BRD8: variants seen among roughly 807,000 people sequenced by gnomAD.
BRD8 encodes the protein bromodomain-containing protein 8.
A neutral mutation model predicts 143.1 loss-of-function variants in BRD8; 67 were observed. That is an observed-to-expected ratio of 0.47 (90% CI 0.38 to 0.57). The LOEUF (loss-of-function observed/expected upper bound fraction) is 0.57, where lower values mean the gene tolerates loss of function less well. BRD8 is among the 20% of genes least tolerant of loss of function. The pLI is 0.00. For synonymous variants in BRD8, 505 were observed against 517.1 expected (o/e 0.98, Z 0.32); for missense variants, 1,103 against 1,503.0 (o/e 0.73, Z 4.40).
At chr5:138,170,130 G>A (rs1357791390) in intron 7 of BRD8, among the ~76,000 whole-genome samples, 1 of 152,176 alleles carries the variant, frequency 6.6e-6, no homozygotes, top group African/African-American at 2.4e-5. Flanking sequence ...AAGCCTTTGT[G>A]TCCTGAAGTT....
rs775655044 is a variant in BRD8, at chr5:138,167,914, A to C, written c.787+20T>G. ...AAGTTCAACACCTTTGAGGTTGATAAAGGAAAAGTGGTAACTTACCTGATG... is the reference window on the plus strand; with the variant it reads ...AAGTTCAACACCTTTGAGGTTGATACAGGAAAAGTGGTAACTTACCTGATG... On this transcript the variant is annotated intron_variant, in intron 9 of 26. Transcript: ENST00000254900. The C allele has an allele frequency of 6.2e-7, 1 of 1,610,956 alleles. No homozygotes were observed. Among genetic ancestry groups the C allele is most frequent in the Non-Finnish European group, 8.5e-7 (1 of 1,177,208 alleles).
Position 138,140,279 on chromosome 5 carries a change from T to C in BRD8, c.3616-113A>G, listed in dbSNP as rs765665916. The C allele has an allele frequency of 4.0e-6, 3 of 755,264 alleles. No homozygotes were observed. The South Asian group carries it at 5.2e-5, about 13-fold the overall frequency. 46.8% of individuals were successfully genotyped at this position (755,264 alleles called of 1,614,324 possible). A position where few individuals can be genotyped will look rare whatever the true frequency, so the allele number is the denominator to read the frequency against. ...CTATACTTTTTTCTTTAAAGTATGA[T>C]GCTACCCAGAAAAGAAACCCACAAA... On this transcript the variant is annotated intron_variant, in intron 26 of 26. Coordinates refer to ENST00000254900, the MANE Select transcript of BRD8 (RefSeq NM_139199.2).
chr5:138,159,461 A>G, intron 20 of BRD8, 94 bp downstream of exon 20: 1 of 1,302,804 alleles, frequency 7.7e-7, no homozygotes, highest in Admixed American at 1.7e-5. Flanking sequence ...ACACTGCCAC[A>G]GTCTGCATGT....
chr5:138,163,066 A>AAGGT, intron 15 of BRD8, 64 bp downstream of exon 15: 2 of 1,439,988 alleles, frequency 1.4e-6, no homozygotes, highest in Admixed American at 3.5e-5. Flanking sequence ...GGAAGGAAGG[A>AAGGT]AGGAAAAGAT....
intron 15 of BRD8, 84 bp from the exon 16 acceptor site, chr5:138,162,230 C>CAAAA: frequency 1.9e-6 from 2 of 1,074,478 alleles, no homozygotes; most frequent in Non-Finnish European, 2.7e-6. Context: ...GACAGGGTCT[C>CAAAA]ACTCTGTCCC....
chr5:138,156,959 G>T, intron 20 of BRD8: 2 of 1,289,574 alleles, frequency 1.6e-6, no homozygotes, highest in Non-Finnish European at 2.0e-6. Context: ...CTGTACAATT[G>T]ACAAGACAAT....
At chr5:138,174,006 A>G (rs1480684365) in intron 2 of BRD8, among the ~76,000 whole-genome samples, 10 of 152,130 alleles carry the variant, frequency 6.6e-5, no homozygotes, top group Admixed American at 6.6e-5. Flanking sequence ...TGTGAGGTCT[A>G]TAATTTTTCC....
chr5:138,157,730 C>T, intron 20 of BRD8: 1 of 158,154 alleles, frequency 6.3e-6, no homozygotes, highest in Non-Finnish European at 1.4e-5. Context: ...AGTGGTTTTC[C>T]ATGAGATCAG....
At chr5:138,151,078 C>T in intron 21 of BRD8, 70 bp from the exon 22 acceptor site, 1 of 1,535,696 alleles carries the variant, frequency 6.5e-7, no homozygotes, top group Non-Finnish European at 8.8e-7. Flanking sequence ...ATCAACAATG[C>T]CACATGCTAA....
intron 2 of BRD8, among the ~76,000 whole-genome samples, chr5:138,176,323 T>C (rs1754332767): frequency 6.6e-6 from 1 of 152,172 alleles, no homozygotes; most frequent in African/African-American, 2.4e-5. Context: ...CTGGGTATGG[T>C]GGCTCACACT....
chr5:138,169,410 A>G (rs1753696226), intron 7 of BRD8, 52 bp from the exon 8 acceptor site: 2 of 1,582,286 alleles, frequency 1.3e-6, no homozygotes, highest in Non-Finnish European at 8.6e-7. Context: ...AATAAATGAA[A>G]CTTGACACTA....
At chr5:138,158,368 G>A (rs1752743078) in intron 20 of BRD8, among the ~76,000 whole-genome samples, 1 of 152,142 alleles carries the variant, frequency 6.6e-6, no homozygotes. Flanking sequence ...AGTAATAAAA[G>A]TCTTTAGGCT....
chr5:138,159,593 C>T lies in BRD8; in HGVS notation c.2539G>A (p.Val847Ile). 1 of 1,614,108 alleles carries T rather than the reference C, an allele frequency of 6.2e-7. No homozygotes were observed. Residue 847 changes from valine to isoleucine, a missense_variant, in exon 20 of 27, where the codon GTC becomes ATC. Around this residue, in one of 7 missense-constraint regions of BRD8, gnomAD observed 64 missense variants for 211.3 expected, o/e 0.30. Coordinates refer to ENST00000254900, the MANE Select transcript of BRD8 (RefSeq NM_139199.2). ...AGGAAGGCAGGAGAGCCCATTGGGA[C>T]ACTGTCCTGTTAGAGGACAAACAAA... is the stretch of plus-strand genomic sequence containing the variant. ...RKQDASEKDSVPMGSPAFLLS... is the reference protein window; with the variant it reads ...RKQDASEKDSIPMGSPAFLLS...
chr5:138,145,324 T>C lies in BRD8; in HGVS notation c.3369-79A>G, dbSNP rs540124535. On this transcript the variant is annotated intron_variant, in intron 24 of 26. Coordinates refer to ENST00000254900, the MANE Select transcript of BRD8 (RefSeq NM_139199.2). ...AGGAGAAGAGTAGCTCAGTTCTTAG[T>C]AGACTTCCTTTAGGGGAATGCAGAC... 92 of 1,292,884 alleles carry C rather than the reference T, an allele frequency of 7.1e-5. 2 individuals carry two copies. The South Asian group carries it at 1.0e-3, about 14-fold the overall frequency. 80.1% of individuals were successfully genotyped at this position (1,292,884 alleles called of 1,614,324 possible).
Position 138,164,086 on chromosome 5 carries a change from C to G in BRD8, c.1872+1G>C. On this transcript the variant is annotated splice_donor_variant, in intron 14 of 26. Transcript: ENST00000254900. LOFTEE classifies it high-confidence loss of function. ...GAGGAATAAAGAAAAGTCTGAAATA[C>G]CTTTATCTGGCTTCCAAAAATAGTC... 6.2e-7 allele frequency: 1 copy of G among 1,613,742 alleles called. No homozygotes were observed. The highest frequency in any genetic ancestry group is 2.2e-5 in the East Asian group (1 of 44,886).
chr5:138,167,841 A>T, intron 9 of BRD8, 93 bp downstream of exon 9: 1 of 1,158,856 alleles, frequency 8.6e-7, no homozygotes, highest in South Asian at 1.2e-5. Context: ...CTTTAAATCT[A>T]GCACTGACAA....
rs1751835094 is a variant in BRD8, at chr5:138,139,776, G to GTC, written c.*297_*298insGA. ...CATTAAAAAGCAATATTCCTATTGT[G>GTC]TAAATACATTTATTTATAGAGTAAA... On this transcript the variant is annotated 3_prime_UTR_variant, in exon 27 of 27. Coordinates refer to ENST00000254900, the MANE Select transcript of BRD8 (RefSeq NM_139199.2). The GTC allele has an allele frequency of 2.9e-6, 1 of 343,684 alleles. No individual in the cohort carries two copies. The highest frequency in any genetic ancestry group is 6.9e-5 in the South Asian group (1 of 14,414). 21.3% of individuals were successfully genotyped at this position (343,684 alleles called of 1,614,324 possible). A position where few individuals can be genotyped will look rare whatever the true frequency, so the allele number is the denominator to read the frequency against.
intron 8 of BRD8, chr5:138,168,449 C>T: frequency 6.5e-7 from 1 of 1,544,432 alleles, no homozygotes. Context: ...AGCTCTCAAA[C>T]ACCCACAGAA....
chr5:138,162,239 C>G (rs1753051256), intron 15 of BRD8, 93 bp from the exon 16 acceptor site: 4 of 1,004,342 alleles, frequency 4.0e-6, no homozygotes, highest in Non-Finnish European at 5.8e-6. Context: ...TCACTCTGTC[C>G]CCCAGGCTGG....
Sources: allele counts gnomAD v4.1 joint callset (sites outside exome capture counted in the v4.1 genomes callset), GRCh38; gene constraint gnomAD v4.1.1; regional missense constraint gnomAD v4.1.1; transcripts MANE v1.5; gene names NCBI Gene and HGNC (gene_info 2026-07-23, HGNC 2026-07-21).